The following MEGF8 variants were observed in gnomAD, a reference collection of about 807,000 sequenced individuals.
MEGF8 encodes multiple epidermal growth factor-like domains protein 8.
MEGF8 carries 156 observed loss-of-function variants against 302.9 expected under a neutral mutation model. The ratio of observed to expected loss-of-function variants is 0.52; its 90% CI spans 0.45 to 0.59. The LOEUF is 0.59. Ranked by LOEUF, MEGF8 falls within the 20% of genes least tolerant of loss-of-function variation. The pLI is 0.00. For missense variants in MEGF8, 3,345 were observed against 3,964.5 expected (o/e 0.84, Z 4.20); for synonymous variants, 1,621 against 1,660.5 (o/e 0.98, Z 0.58).
Position 42,351,272 on chromosome 19 carries a change from C to T in MEGF8, c.2793C>T (p.Ser931=), listed in dbSNP as rs758656651. The change falls in exon 16 of 42, where the codon AGC becomes AGT. Residue 931 remains serine, a synonymous_variant. Coordinates refer to ENST00000251268, the MANE Select transcript of MEGF8 (RefSeq NM_001271938.2). This position sits in a 1 kb window ranked among gnomAD's most constrained non-coding sequence, Gnocchi z 5.6. Reference sequence around the variant, plus strand: ...GCCGCAAAGGGGACGCGGCATGCAGCCGGCGGGGCCGGGGTCGGGGTGCCC... The same window carrying T: ...GCCGCAAAGGGGACGCGGCATGCAGTCGGCGGGGCCGGGGTCGGGGTGCCC... ...STSRKGDAAC[S]RRGRGRGALK... The T allele has an allele frequency of 7.6e-6, 12 of 1,571,952 alleles. No homozygotes were observed. The African/African-American group carries it at 9.4e-5, about 12-fold the overall frequency.
In MEGF8 at chr19:42,358,398, T is replaced by G; in HGVS notation, c.5175+91T>G. On this transcript the variant is annotated intron_variant, in intron 29 of 41. Transcript: ENST00000251268. This position sits in a 1 kb window ranked among gnomAD's most constrained non-coding sequence, Gnocchi z 4.4. ...CCCCAGGGACTGGCTCCATCCCAGA[T>G]TCCTGCTTCCCCTCCTTTCTATGTT... is the stretch of plus-strand genomic sequence containing the variant. 4.2e-6 allele frequency: 6 copies of G among 1,422,376 alleles called. No individual in the cohort carries two copies. The highest frequency in any genetic ancestry group is 5.6e-6 in the Non-Finnish European group (6 of 1,066,364). 88.1% of individuals were successfully genotyped at this position (1,422,376 alleles called of 1,614,324 possible). A position where few individuals can be genotyped will look rare whatever the true frequency, so the allele number is the denominator to read the frequency against.
intron 23 of MEGF8, among the ~76,000 whole-genome samples, chr19:42,355,236 CAT>C (rs2039433796): frequency 6.6e-6 from 1 of 152,068 alleles, no homozygotes; most frequent in South Asian, 2.1e-4. Context: ...GGATTACAGA[CAT>C]AAGCTGCTGC....
intron 3 of MEGF8, among the ~76,000 whole-genome samples, chr19:42,334,672 T>A (rs1444637613): frequency 1.3e-5 from 2 of 152,228 alleles, no homozygotes; most frequent in South Asian, 4.1e-4. Flanking sequence ...CCAGGCTGAA[T>A]GTCAACTACG....
In MEGF8 at chr19:42,352,531, A is replaced by G. The variant is rs2039391370; in HGVS notation, c.3350+75A>G. The G allele has an allele frequency of 6.7e-7, 1 of 1,488,486 alleles. No individual in the cohort carries two copies. The highest frequency in any genetic ancestry group is 9.0e-7 in the Non-Finnish European group (1 of 1,109,926). The allele number at this position is 1,488,486 out of a possible 1,614,324, so 92.2% of individuals were successfully genotyped here. On this transcript the variant is annotated intron_variant, in intron 19 of 41. Transcript: ENST00000251268. This position sits in a 1 kb window ranked among gnomAD's most constrained non-coding sequence, Gnocchi z 4.4. ...ATGGAGGTGGAGGGAGGAAGCCATC[A>G]TGGCGCTGGGTCCCCTCCTGTGGAA...
intron 8 of MEGF8, among the ~76,000 whole-genome samples, chr19:42,341,959 C>T (rs2039221501): frequency 6.6e-6 from 1 of 152,140 alleles, no homozygotes; most frequent in African/African-American, 2.4e-5. Context: ...CATCTGTTCA[C>T]TCCTCCTCCC....
At chr19:42,370,094 C>G in intron 38 of MEGF8, 95 bp from the exon 39 acceptor site, 1 of 1,375,532 alleles carries the variant, frequency 7.3e-7, no homozygotes. Context: ...CTGCTGCCCT[C>G]CCGTGGGCTC....
intron 32 of MEGF8, 58 bp downstream of exon 32, chr19:42,361,064 T>C: frequency 6.7e-7 from 1 of 1,487,340 alleles, no homozygotes. Flanking sequence ...GGGGGTCCTG[T>C]GCTAGGCCAC....
Position 42,356,845 on chromosome 19 carries a change from C to G in MEGF8, c.4694C>G (p.Pro1565Arg). 1 of 1,570,894 alleles carries G rather than the reference C, an allele frequency of 6.4e-7. No individual in the cohort carries two copies. The highest frequency in any genetic ancestry group is 1.3e-5 in the African/African-American group (1 of 74,092). Residue 1565 changes from proline (P) to arginine (R), a missense_variant, in exon 27 of 42, where the codon CCC becomes CGC. Transcript: ENST00000251268. This position sits in a 1 kb window ranked among gnomAD's most constrained non-coding sequence, Gnocchi z 5.2. ...GAGGACGGGGGCCCAGGCCCATCGCCCCGCTCCTTCCATGCAGCCGCATAT... is the reference window on the plus strand; with the variant it reads ...GAGGACGGGGGCCCAGGCCCATCGCGCCGCTCCTTCCATGCAGCCGCATAT... ...GAEDGGPGPS[P>R]RSFHAAAYVP...
rs978921703 is a variant in MEGF8, at chr19:42,353,046, C to T, written c.3469C>T (p.Pro1157Ser). The T allele has an allele frequency of 1.3e-6, 2 of 1,552,656 alleles. No individual in the cohort carries two copies. The highest frequency in any genetic ancestry group is 2.0e-5 in the Admixed American group (1 of 51,062). The change falls in exon 20 of 42, where the codon CCC becomes TCC. Residue 1157 changes from proline to serine, a missense_variant. Transcript: ENST00000251268. This position sits in a 1 kb window ranked among gnomAD's most constrained non-coding sequence, Gnocchi z 6.1. ...CACACCCGCCCCGGGTCCGCCAGCC[C>T]CCCGCTGCTCCCGGGACTGTGGCTG... Reference protein sequence around the residue: ...PPTPAPGPPAPRCSRDCGCSF... With the variant: ...PPTPAPGPPASRCSRDCGCSF...
At chr19:42,340,176 C>T (rs2147457625) in intron 8 of MEGF8, among the ~76,000 whole-genome samples, 1 of 152,310 alleles carries the variant, frequency 6.6e-6, no homozygotes, top group East Asian at 1.9e-4. Flanking sequence ...TGAGATGATC[C>T]TTCAAGAATG....
Position 42,354,803 on chromosome 19 carries a change from A to G in MEGF8, c.4144+83A>G. 1 of 1,447,808 alleles carries G rather than the reference A, an allele frequency of 6.9e-7. No individual in the cohort carries two copies. Among genetic ancestry groups the G allele is most frequent in the Non-Finnish European group, 9.2e-7 (1 of 1,081,600 alleles). 89.7% of individuals were successfully genotyped at this position (1,447,808 alleles called of 1,614,324 possible). The stretch of plus-strand genomic sequence containing the variant: ...TGAACTCACCACCTGAAGTGGGCTC[A>G]GGACCCAGCTCTGCCGCTGCTTATG... On this transcript the variant is annotated intron_variant, in intron 23 of 41. Transcript: ENST00000251268. This position sits in a 1 kb window ranked among gnomAD's most constrained non-coding sequence, Gnocchi z 4.3.
rs202175287 is a variant in MEGF8 at position 42,363,200 on chromosome 19, C to A, written c.6211C>A (p.Leu2071Met). Residue 2071 changes from leucine to methionine, a missense_variant, in exon 35 of 42, where the codon CTG becomes ATG. By Grantham distance (15) the Leu-to-Met change is conservative. Coordinates refer to ENST00000251268, the MANE Select transcript of MEGF8 (RefSeq NM_001271938.2). ...CHLLPNCTSC[L>M]DSKGADGGWQ... Reference sequence around the variant, plus strand: ...CCTCCTACCCAACTGTACCTCCTGCCTGGACTCTAAGGGAGCAGATGGGGG... The same window carrying A: ...CCTCCTACCCAACTGTACCTCCTGCATGGACTCTAAGGGAGCAGATGGGGG... The A allele has an allele frequency of 8.1e-6, 13 of 1,611,842 alleles. No homozygotes were observed. The highest frequency in any genetic ancestry group is 1.7e-4 in the Middle Eastern group (1 of 6,058).
At chr19:42,349,302 G>GA (rs1268884391) in intron 13 of MEGF8, among the ~76,000 whole-genome samples, 197 bp from the exon 14 acceptor site, 230 of 57,030 alleles carry the variant, frequency 4.0e-3, no homozygotes, top group Middle Eastern at 0.012. Flanking sequence ...CCTGTCTCAA[G>GA]AAAAAAAAAA....
Position 42,336,802 on chromosome 19 carries a change from G to A in MEGF8, c.1245-5G>A, listed in dbSNP as rs748681646. ...TGAGCCCCTGCCCTGCTTCTCCTTC[G>A]GTAGGTTCTCTGTGCGAGTGAACTC... On this transcript the variant is annotated splice_polypyrimidine_tract_variant and splice_region_variant and intron_variant, in intron 6 of 41. Transcript: ENST00000251268. The surrounding 1 kb of genome is among the most constrained non-coding windows in gnomAD (Gnocchi z 4.8). The A allele has an allele frequency of 3.8e-6, 6 of 1,578,524 alleles. No individual in the cohort carries two copies. Among genetic ancestry groups the A allele is most frequent in the Middle Eastern group, 1.7e-4 (1 of 5,926 alleles).
Position 42,336,145 on chromosome 19 carries a change from A to T in MEGF8, c.1043A>T (p.Tyr348Phe), listed in dbSNP as rs746570237. 1 of 1,610,400 alleles carries T rather than the reference A, an allele frequency of 6.2e-7. No homozygotes were observed. ...GCCCTGGTGGATGATGTCTGGCTAT[A>T]TGTGTCTGGAGGCCGCACCCCGCAC... ...AAALVDDVWL[Y>F]VSGGRTPHDL... The change falls in exon 6 of 42, where the codon TAT (tyrosine) becomes TTT (phenylalanine). Residue 348 changes from tyrosine (Y) to phenylalanine (F), a missense_variant. Physicochemically the swap from Tyr to Phe is conservative, Grantham distance 22. Coordinates refer to ENST00000251268, the MANE Select transcript of MEGF8 (RefSeq NM_001271938.2). The surrounding 1 kb of genome is among the most constrained non-coding windows in gnomAD (Gnocchi z 4.8).
rs377213959 is a variant in MEGF8, at chr19:42,362,718, C to G, written c.6058+121C>G. ...AGGGAGGAGGGGCTGGGGGCCTGGA[C>G]TCCTGGGTCTGAGGGAGAAGGGGCT... On this transcript the variant is annotated intron_variant, in intron 34 of 41. Coordinates refer to ENST00000251268, the MANE Select transcript of MEGF8 (RefSeq NM_001271938.2). 6.6e-4 allele frequency: 782 copies of G among 1,180,824 alleles called. 13 individuals carry two copies. In the South Asian group the frequency reaches 0.01, roughly 15 times the overall value. 73.1% of individuals were successfully genotyped at this position (1,180,824 alleles called of 1,614,324 possible).
intron 35 of MEGF8, among the ~76,000 whole-genome samples, chr19:42,367,252 C>A (rs1600071440): frequency 6.6e-6 from 1 of 151,932 alleles, no homozygotes; most frequent in East Asian, 1.9e-4. Flanking sequence ...TTTGCCTCAG[C>A]AGCCACATTT....
chr19:42,344,797 CT>C lies in MEGF8; in HGVS notation c.2064del (p.Gln689SerfsTer22). 6.2e-7 allele frequency: 1 copy of C among 1,604,848 alleles called. No homozygotes were observed. Among genetic ancestry groups the C allele is most frequent in the Non-Finnish European group, 8.5e-7 (1 of 1,174,796 alleles). Reference sequence around the variant, plus strand: ...TCCTGCCTGGCCTGCACTTGCTCACCTTTCAGCAGCCGCCCAATACCTCCCA... The same window carrying C: ...TCCTGCCTGGCCTGCACTTGCTCACCTTCAGCAGCCGCCCAATACCTCCCA... ...SFLPGLHLLT[F>X]QQPPNTSQPD... On this transcript the variant is annotated frameshift_variant, in exon 12 of 42. Coordinates refer to ENST00000251268, the MANE Select transcript of MEGF8 (RefSeq NM_001271938.2). LOFTEE classifies it high-confidence loss of function. This position sits in a 1 kb window ranked among gnomAD's most constrained non-coding sequence, Gnocchi z 4.5.
In MEGF8 at chr19:42,363,073, G is replaced by A. The variant is rs547635717; in HGVS notation, c.6084G>A (p.Val2028=). 2.1e-4 allele frequency: 344 copies of A among 1,613,224 alleles called. 7 individuals carry two copies. The South Asian group carries it at 3.7e-3, about 17-fold the overall frequency. The change falls in exon 35 of 42, where the codon GTG becomes GTA. Residue 2028 remains valine (V), a synonymous_variant. Transcript: ENST00000251268. ...GGGAGACCCGCCGCATCCTCTCCGT[G>A]CAGCCCACCTATGACTGGACGTGCT... ...RTGETRRILS[V]QPTYDWTCFS... is the part of the protein sequence containing the mutation.
Sources: gnomAD v4.1 joint callset for allele counts (sites outside exome capture counted in the v4.1 genomes callset) on GRCh38, gnomAD v4.1.1 for gene constraint, Gnocchi (gnomAD v3.1) non-coding constraint, MANE v1.5 for transcripts, NCBI Gene and HGNC (gene_info 2026-07-23, HGNC 2026-07-21) for gene names.